The following MBTPS1 variants were observed in gnomAD, a reference collection of about 807,000 sequenced individuals.
The protein encoded by MBTPS1 is membrane bound transcription factor peptidase, site 1.
Under a neutral mutation model 127.8 loss-of-function variants are expected in MBTPS1, and 94 were observed. That is an observed-to-expected ratio of 0.74 (90% CI 0.62 to 0.87). MBTPS1 has a LOEUF of 0.87. MBTPS1 is among the 40% of genes least tolerant of loss of function. The pLI, the probability that MBTPS1 is intolerant of heterozygous loss-of-function variation, is 0.00. For missense variants in MBTPS1, 1,636 were observed against 1,353.2 expected, an observed-to-expected ratio of 1.21 and a Z score of -3.28; for synonymous variants, 632 against 509.4, an observed-to-expected ratio of 1.24 and a Z score of -3.24.
intron 5 of MBTPS1, 46 bp downstream of exon 5, chr16:84,093,663 ACT>A (rs2086141265): frequency 2.4e-6 from 3 of 1,248,728 alleles, no homozygotes; most frequent in Non-Finnish European, 3.5e-6. Context: ...CACTAAACAC[ACT>A]CTCAGTCGAT....
At position 84,101,793 on chromosome 16, in the gene MBTPS1, C is replaced by A. The variant is rs138475436; in HGVS notation, c.-10G>T. Reference sequence around the variant, plus strand: ...TGTTGACAAGCTTCATGGTCACAAGCGAATATGATCATAAAATTGCATATA... The same window carrying A: ...TGTTGACAAGCTTCATGGTCACAAGAGAATATGATCATAAAATTGCATATA... On this transcript the variant is annotated 5_prime_UTR_variant, in exon 2 of 23. Transcript: ENST00000343411. 6.3e-7 allele frequency: 1 copy of A among 1,599,666 alleles called. No homozygotes were observed. Among genetic ancestry groups the A allele is most frequent in the Non-Finnish European group, 8.5e-7 (1 of 1,172,638 alleles).
At chr16:84,073,384 A>G (rs183802489) in intron 12 of MBTPS1, among the ~76,000 whole-genome samples, 20 of 152,236 alleles carry the variant, frequency 1.3e-4, no homozygotes, top group African/African-American at 4.3e-4. Context: ...CTCCTGCCTC[A>G]GCCTCTCAAA....
intron 6 of MBTPS1, among the ~76,000 whole-genome samples, chr16:84,092,250 T>A (rs958193632): frequency 6.6e-6 from 1 of 152,228 alleles, no homozygotes; most frequent in Non-Finnish European, 1.5e-5. Context: ...CCTTCTTCAT[T>A]CCTAAACAGA....
At chr16:84,074,519 A>G in intron 12 of MBTPS1, 78 bp downstream of exon 12, 2 of 1,446,680 alleles carry the variant, frequency 1.4e-6, no homozygotes, top group Admixed American at 3.9e-5. Flanking sequence ...ACTTCAGCAG[A>G]AGTAACTATG....
chr16:84,075,719 A>C (rs2085846171), intron 11 of MBTPS1: 1 of 152,226 alleles, frequency 6.6e-6, no homozygotes. Context: ...GGCCAACTGA[A>C]TTGCTATTTA....
At chr16:84,073,774 G>A (rs1382942300) in intron 12 of MBTPS1, among the ~76,000 whole-genome samples, 1 of 152,062 alleles carries the variant, frequency 6.6e-6, no homozygotes, top group Non-Finnish European at 1.5e-5. Flanking sequence ...GGAGGCTGAG[G>A]TAGCTGGATC....
chr16:84,091,614 C>G (rs1473552249), intron 7 of MBTPS1, 118 bp downstream of exon 7: 2 of 697,100 alleles, frequency 2.9e-6, no homozygotes, highest in East Asian at 5.2e-5. Flanking sequence ...GCCATCTGTT[C>G]TCACAAAGCT....
At chr16:84,102,613 G>C (rs2086272634) in intron 1 of MBTPS1, among the ~76,000 whole-genome samples, 1 of 152,176 alleles carries the variant, frequency 6.6e-6, no homozygotes, top group South Asian at 2.1e-4. Flanking sequence ...TTCTGTTTCA[G>C]ATTCTGTATT....
intron 11 of MBTPS1, chr16:84,075,075 CA>C: frequency 5.8e-6 from 1 of 172,264 alleles, no homozygotes; most frequent in Non-Finnish European, 1.2e-5. Flanking sequence ...CTTCCCTGGG[CA>C]AAAACACGTA....
rs2086487024 is a variant in MBTPS1 at position 84,116,730 on chromosome 16, C to G, written c.-325+5G>C. 6.6e-6 allele frequency: 1 copy of G among 152,104 alleles called. No homozygotes were observed. Among genetic ancestry groups the G allele is most frequent in the African/African-American group, 2.4e-5 (1 of 41,442 alleles). The allele number at this position is 152,104 out of a possible 1,614,324, so 9.4% of individuals were successfully genotyped here. On this transcript the variant is annotated splice_donor_5th_base_variant and intron_variant, in intron 1 of 22. Coordinates refer to ENST00000343411, the MANE Select transcript of MBTPS1 (RefSeq NM_003791.4). ...GGGGAGGCCGCGCGCGGGCGGCTGA[C>G]GTACCTGCGCCGCCGGGAGCTCAGG...
Position 84,087,466 on chromosome 16 carries a change from T to C in MBTPS1, c.1032-6A>G, listed in dbSNP as rs756061365. On this transcript the variant is annotated splice_region_variant and splice_polypyrimidine_tract_variant and intron_variant, in intron 8 of 22. Transcript: ENST00000343411. ...CAGCAGGGTTATTCAGAGTGCTATA[T>C]TGAGACCAAAAAAAAAAAAAAAGAA... 5 of 1,475,940 alleles carry C rather than the reference T, an allele frequency of 3.4e-6. No individual in the cohort carries two copies. The highest frequency in any genetic ancestry group is 4.5e-6 in the Non-Finnish European group (5 of 1,101,452). 91.4% of individuals were successfully genotyped at this position (1,475,940 alleles called of 1,614,324 possible). A position where few individuals can be genotyped will look rare whatever the true frequency, so the allele number is the denominator to read the frequency against.
At position 84,091,814 on chromosome 16, in the gene MBTPS1, T is replaced by G; in HGVS notation, c.881A>C (p.Asn294Thr). Residue 294 changes from asparagine to threonine, a missense_variant, in exon 7 of 23, where the codon AAC becomes ACC. Asn to Thr is a moderately conservative substitution (Grantham distance 65). Transcript: ENST00000343411. ...SYTSWFLDAF[N>T]YAILKKIDVL... is the part of the protein sequence containing the mutation. ...GTCGATCTTCTTTAAAATGGCATAG[T>G]TGAAGGCGTCCAAAAACCAAGATGT... 1.2e-6 allele frequency: 2 copies of G among 1,614,052 alleles called. No individual in the cohort carries two copies.
chr16:84,070,693 C>T lies in MBTPS1; in HGVS notation c.1677G>A (p.Ser559=), dbSNP rs768690081. Reference sequence around the variant, plus strand: ...CAGAAATGGAGATGGCCAGGTAGCCCGACCAAGGCCATAAGACCGAGGAGT... The same window carrying T: ...CAGAAATGGAGATGGCCAGGTAGCCTGACCAAGGCCATAAGACCGAGGAGT... ...FSYSSVLWPW[S]GYLAISISVT... is the part of the protein sequence containing the mutation. The change falls in exon 13 of 23, where the codon TCG becomes TCA. Residue 559 remains serine, a synonymous_variant. Transcript: ENST00000343411. 11 of 1,613,974 alleles carry T rather than the reference C, an allele frequency of 6.8e-6. No individual in the cohort carries two copies. The highest frequency in any genetic ancestry group is 4.4e-5 in the South Asian group (4 of 91,066).
At chr16:84,100,639 AC>A (rs746725205) in intron 2 of MBTPS1, among the ~76,000 whole-genome samples, 54 of 152,156 alleles carry the variant, frequency 3.5e-4, no homozygotes, top group Non-Finnish European at 6.3e-4. Flanking sequence ...GAAGTGGGAG[AC>A]CACTTGTGCC....
intron 11 of MBTPS1, among the ~76,000 whole-genome samples, chr16:84,080,568 G>A (rs944015515): frequency 1.3e-5 from 2 of 152,224 alleles, no homozygotes; most frequent in African/African-American, 4.8e-5. Context: ...CCACCCTCAG[G>A]TCCTCACACG....
intron 1 of MBTPS1, among the ~76,000 whole-genome samples, chr16:84,102,503 G>GA (rs1322791920): frequency 1.3e-5 from 2 of 151,996 alleles, no homozygotes; most frequent in Admixed American, 6.6e-5. Flanking sequence ...GAGAAAAATG[G>GA]AAAAAAGTAA....
At chr16:84,084,574 T>G (rs1424624030) in intron 10 of MBTPS1, among the ~76,000 whole-genome samples, 1 of 152,248 alleles carries the variant, frequency 6.6e-6, no homozygotes, top group Admixed American at 6.5e-5. Context: ...TTTGTTTTTC[T>G]TTTTTAAAGT....
intron 1 of MBTPS1, among the ~76,000 whole-genome samples, chr16:84,103,552 A>G (rs1268444222): frequency 1.3e-5 from 2 of 152,080 alleles, no homozygotes; most frequent in Non-Finnish European, 2.9e-5. Context: ...ATGTCCGCCC[A>G]CTACTTGTTT....
At position 84,102,057 on chromosome 16, in the gene MBTPS1, C is replaced by G. The variant is rs906863403; in HGVS notation, c.-274G>C. The G allele has an allele frequency of 3.0e-6, 1 of 337,350 alleles. No homozygotes were observed. The highest frequency in any genetic ancestry group is 5.2e-5 in the South Asian group (1 of 19,330). The allele number at this position is 337,350 out of a possible 1,614,324, so 20.9% of individuals were successfully genotyped here. A position where few individuals can be genotyped will look rare whatever the true frequency, so the allele number is the denominator to read the frequency against. ...GACTGAGTCCTGTACTCCATTTGTA[C>G]CACAGAACCAACGTCCAATGGGGTT... On this transcript the variant is annotated 5_prime_UTR_variant, in exon 2 of 23. Coordinates refer to ENST00000343411, the MANE Select transcript of MBTPS1 (RefSeq NM_003791.4).
Sources: allele counts gnomAD v4.1 joint callset (sites outside exome capture counted in the v4.1 genomes callset), GRCh38; gene constraint gnomAD v4.1.1; transcripts MANE v1.5; gene names NCBI Gene and HGNC (gene_info 2026-07-23, HGNC 2026-07-21).